Variants in FRMPD1 observed in about 807,000 individuals in gnomAD.
The protein encoded by FRMPD1 is FERM and PDZ domain containing 1, also known as FERM and PDZ domain-containing protein 1.
FRMPD1 carries 76 observed loss-of-function variants against 117.8 expected under a neutral mutation model. The observed-to-expected ratio is 0.65, with a 90% CI of 0.54 to 0.78. The LOEUF (loss-of-function observed/expected upper bound fraction) is 0.78. FRMPD1 is among the 30% of genes least tolerant of loss of function. The probability of loss-of-function intolerance (pLI) is 0.00; values close to 1 mark genes in which losing one functional copy is unlikely to be tolerated. For synonymous variants in FRMPD1, 783 were observed against 770.4 expected (o/e 1.02, Z -0.27); for missense variants, 1,786 against 1,964.5 (o/e 0.91, Z 1.72).
At chr9:37,716,112 T>C (rs1186594202) in intron 5 of FRMPD1, among the ~76,000 whole-genome samples, 1 of 152,112 alleles carries the variant, frequency 6.6e-6, no homozygotes, top group Non-Finnish European at 1.5e-5. Context: ...CAGTGCTGAG[T>C]ACCATGGGGA....
At chr9:37,619,549 G>C in the FRMPD1 span, among the ~76,000 whole-genome samples, 3 of 152,124 alleles carry the variant, frequency 2.0e-5, no homozygotes, top group Non-Finnish European at 4.4e-5. Flanking sequence ...CCTGAGGTCA[G>C]GAGTTTGAGA....
At chr9:37,680,555 G>A (rs1008474278) in intron 1 of FRMPD1, among the ~76,000 whole-genome samples, 2 of 152,148 alleles carry the variant, frequency 1.3e-5, no homozygotes, top group Non-Finnish European at 2.9e-5. Context: ...AAAGTCAGGA[G>A]GGCAGTTTGA....
At chr9:37,633,338 G>A in the FRMPD1 span, among the ~76,000 whole-genome samples, 1 of 152,132 alleles carries the variant, frequency 6.6e-6, no homozygotes. Flanking sequence ...ACTGCTCCTG[G>A]CCTATTTTTA....
intron 14 of FRMPD1, among the ~76,000 whole-genome samples, chr9:37,738,505 A>G (rs1212897681): frequency 6.6e-6 from 1 of 152,058 alleles, no homozygotes. Context: ...ACGCCCGGCT[A>G]ATTTTTGTAC....
chr9:37,746,486 A>T lies in FRMPD1; in HGVS notation c.4454A>T (p.Glu1485Val), dbSNP rs764289437. 25 of 1,613,572 alleles carry T rather than the reference A, an allele frequency of 1.5e-5. No homozygotes were observed. In the Admixed American group the frequency reaches 4.0e-4, roughly 26 times the overall value. ...ATCAGAATGGACCAGTCCCCCGAAGAGATGCAGGGGGCCGTGCGTGACACC... is the reference window on the plus strand; with the variant it reads ...ATCAGAATGGACCAGTCCCCCGAAGTGATGCAGGGGGCCGTGCGTGACACC... The part of the protein sequence containing the change: ...HVIRMDQSPE[E>V]MQGAVRDTFQ... Residue 1485 changes from glutamate to valine, a missense_variant, in exon 16 of 16, where the codon GAG becomes GTG. Physicochemically the swap from Glu to Val is moderately radical, Grantham distance 121. Transcript: ENST00000377765.
Position 37,737,222 on chromosome 9 carries a change from C to A in FRMPD1, c.1528C>A (p.His510Asn), listed in dbSNP as rs777109808. 1 of 1,614,038 alleles carries A rather than the reference C, an allele frequency of 6.2e-7. No homozygotes were observed. The highest frequency in any genetic ancestry group is 1.3e-5 in the African/African-American group (1 of 74,986). The change falls in exon 14 of 16, where the codon CAC becomes AAC. Residue 510 changes from histidine (H) to asparagine (N), a missense_variant. His to Asn is a moderately conservative substitution (Grantham distance 68, BLOSUM62 1). Transcript: ENST00000377765. The stretch of plus-strand genomic sequence containing the variant: ...CTGGCCTGGAAACAAACAACAAGCG[C>A]ACCGGGTATCTGCAGAAGAAGGTGA... ...FLWPGNKQQA[H>N]RVSAEEGYES...
Position 37,745,893 on chromosome 9 carries a change from C to G in FRMPD1, c.3861C>G (p.Ile1287Met). ...AAGGCAAAAGTGACAGCTCTAGCAT[C>G]TGCCTTTCTGCTGAGAAGTCTTTTC... The part of the protein sequence containing the change: ...LSEGKSDSSS[I>M]CLSAEKSFLC... Residue 1287 changes from isoleucine to methionine, a missense_variant, in exon 16 of 16, where the codon ATC (isoleucine) becomes ATG (methionine). Coordinates refer to ENST00000377765, the MANE Select transcript of FRMPD1 (RefSeq NM_014907.3). The G allele has an allele frequency of 6.2e-7, 1 of 1,614,232 alleles. No individual in the cohort carries two copies. The highest frequency in any genetic ancestry group is 1.1e-5 in the South Asian group (1 of 91,086).
At chr9:37,610,199 A>G in the FRMPD1 span, among the ~76,000 whole-genome samples, 2 of 152,372 alleles carry the variant, frequency 1.3e-5, no homozygotes, top group East Asian at 3.9e-4. Flanking sequence ...TAACAGTTGT[A>G]CATAGTTACG....
chr9:37,694,603 A>G (rs572784648), intron 2 of FRMPD1, among the ~76,000 whole-genome samples: 2 of 152,208 alleles, frequency 1.3e-5, no homozygotes, highest in South Asian at 4.1e-4. Flanking sequence ...GACGGAGTGC[A>G]GTGGTGTGAT....
the FRMPD1 span, among the ~76,000 whole-genome samples, chr9:37,628,556 C>T: frequency 6.6e-6 from 1 of 152,122 alleles, no homozygotes; most frequent in Middle Eastern, 3.2e-3. Context: ...GCCTAATGAT[C>T]CCAGGAGTCT....
In FRMPD1 at chr9:37,740,378, T is replaced by TA; in HGVS notation, c.1851dup (p.Asp618ArgfsTer23). On this transcript the variant is annotated frameshift_variant, in exon 15 of 16. Coordinates refer to ENST00000377765, the MANE Select transcript of FRMPD1 (RefSeq NM_014907.3). LOFTEE classifies it high-confidence loss of function. The surrounding 1 kb of genome is among the most constrained non-coding windows in gnomAD (Gnocchi z 4.2). ...ATGGACGCTCTGGAAGAGGATGACT[T>TA]AGACACCTGCTCCTCCAGCAGGTCC... 1 of 1,613,812 alleles carries TA rather than the reference T, an allele frequency of 6.2e-7. No individual in the cohort carries two copies. Among genetic ancestry groups the TA allele is most frequent in the Non-Finnish European group, 8.5e-7 (1 of 1,179,974 alleles).
intron 4 of FRMPD1, among the ~76,000 whole-genome samples, chr9:37,710,033 A>C (rs1822851012): frequency 6.6e-6 from 1 of 152,208 alleles, no homozygotes; most frequent in Non-Finnish European, 1.5e-5. Context: ...ACCAGCATGT[A>C]TTATTCAGTG....
chr9:37,740,280 T>A lies in FRMPD1; in HGVS notation c.1752T>A (p.Ser584Arg). Residue 584 changes from serine (S) to arginine (R), a missense_variant, in exon 15 of 16, where the codon AGT becomes AGA. Coordinates refer to ENST00000377765, the MANE Select transcript of FRMPD1 (RefSeq NM_014907.3). The surrounding 1 kb of genome is among the most constrained non-coding windows in gnomAD (Gnocchi z 4.2). Reference protein sequence around the residue: ...STCGASSTTDSAESEASDSAN... With the variant: ...STCGASSTTDRAESEASDSAN... ...GCGGGGCCAGCAGCACGACAGACAG[T>A]GCCGAGTCCGAGGCGTCCGACTCAG... 1.2e-6 allele frequency: 2 copies of A among 1,613,732 alleles called. No individual in the cohort carries two copies. Among genetic ancestry groups the A allele is most frequent in the African/African-American group, 2.7e-5 (2 of 74,996 alleles).
Position 37,740,297 on chromosome 9 carries a change from C to A in FRMPD1, c.1769C>A (p.Ser590Tyr). 1 of 1,613,846 alleles carries A rather than the reference C, an allele frequency of 6.2e-7. No individual in the cohort carries two copies. The highest frequency in any genetic ancestry group is 8.5e-7 in the Non-Finnish European group (1 of 1,179,984). Residue 590 changes from serine to tyrosine, a missense_variant, in exon 15 of 16, where the codon TCC (serine) becomes TAC (tyrosine). By Grantham distance (144) the Ser-to-Tyr change is moderately radical (BLOSUM62 -2). Transcript: ENST00000377765. The surrounding 1 kb of genome is among the most constrained non-coding windows in gnomAD (Gnocchi z 4.2). ...STTDSAESEA[S>Y]DSANTESRGY... ...ACAGACAGTGCCGAGTCCGAGGCGT[C>A]CGACTCAGCCAACACTGAGAGCCGC... is the stretch of plus-strand genomic sequence containing the variant.
At chr9:37,713,424 A>G (rs1319295676) in intron 5 of FRMPD1, among the ~76,000 whole-genome samples, 1 of 152,134 alleles carries the variant, frequency 6.6e-6, no homozygotes, top group Non-Finnish European at 1.5e-5. Context: ...CAGCCTGGGC[A>G]ACATGGCAAA....
At chr9:37,605,687 T>G in the FRMPD1 span, among the ~76,000 whole-genome samples, 2 of 88,760 alleles carry the variant, frequency 2.3e-5, no homozygotes, top group Non-Finnish European at 5.7e-5. Context: ...TAGAATTTTA[T>G]TTATTTATTT....
chr9:37,679,495 G>T (rs959432325), intron 1 of FRMPD1, among the ~76,000 whole-genome samples: 2 of 152,136 alleles, frequency 1.3e-5, no homozygotes, highest in East Asian at 3.9e-4. Context: ...TCCTCTAAAA[G>T]AAGTCTTTTA....
In FRMPD1 at chr9:37,729,872, C is replaced by A; in HGVS notation, c.738+19C>A. On this transcript the variant is annotated intron_variant, in intron 8 of 15. Transcript: ENST00000377765. Reference sequence around the variant, plus strand: ...CCAGCAGGTAGGGAGGACTGACCGCCTGTTCCTGGGAGGCATGGGCTGGGC... The same window carrying A: ...CCAGCAGGTAGGGAGGACTGACCGCATGTTCCTGGGAGGCATGGGCTGGGC... 3 of 1,611,364 alleles carry A rather than the reference C, an allele frequency of 1.9e-6. No homozygotes were observed. In the South Asian group the frequency reaches 3.3e-5, roughly 18 times the overall value.
At chr9:37,697,469 A>G (rs1004264569) in intron 2 of FRMPD1, among the ~76,000 whole-genome samples, 18 of 152,104 alleles carry the variant, frequency 1.2e-4, no homozygotes, top group Admixed American at 1.1e-3. Flanking sequence ...CAGGAGGCTG[A>G]GGCAGGAGAA....
Sources: gnomAD v4.1 joint callset for allele counts (sites outside exome capture counted in the v4.1 genomes callset) on GRCh38, gnomAD v4.1.1 for gene constraint, Gnocchi (gnomAD v3.1) non-coding constraint, MANE v1.5 for transcripts, NCBI Gene and HGNC (gene_info 2026-07-23, HGNC 2026-07-21) for gene names.